ABHD6: variants seen among roughly 807,000 people sequenced by gnomAD.
ABHD6 encodes the protein abhydrolase domain containing 6, acylglycerol lipase.
In ABHD6, 33 loss-of-function variants were observed where a neutral mutation model predicts 38.8. That is an observed-to-expected ratio of 0.85 (90% CI 0.64 to 1.14). ABHD6 has a LOEUF of 1.14. Among genes scored for constraint, ABHD6 ranks in the 50% most tolerant of loss-of-function variants. The probability of loss-of-function intolerance (pLI) is 0.00; values close to 1 mark genes in which losing one functional copy is unlikely to be tolerated. For missense variants in ABHD6, 380 were observed against 422.6 expected, an observed-to-expected ratio of 0.90 and a Z score of 0.88; for synonymous variants, 147 against 161.6, an observed-to-expected ratio of 0.91 and a Z score of 0.69.
chr3:58,286,840 G>GTATATATATATATA (rs1261741081), intron 9 of ABHD6, among the ~76,000 whole-genome samples: 2 of 36,416 alleles, frequency 5.5e-5, no homozygotes, highest in African/African-American at 2.4e-4. Context: ...GTGTGTGTGT[G>GTATATATATATATA]TGTGTGTGTG....
intron 2 of ABHD6, among the ~76,000 whole-genome samples, chr3:58,252,112 T>A (rs996071096): frequency 6.6e-6 from 1 of 152,188 alleles, no homozygotes; most frequent in African/African-American, 2.4e-5. Context: ...GCCCCCAGCC[T>A]GGTGCCATCC....
At chr3:58,292,349 G>A (rs1026118528) in intron 9 of ABHD6, among the ~76,000 whole-genome samples, 4 of 152,192 alleles carry the variant, frequency 2.6e-5, no homozygotes, top group Non-Finnish European at 5.9e-5. Flanking sequence ...AGGATGGGGA[G>A]GAGGGGCCCT....
At position 58,257,339 on chromosome 3, in the gene ABHD6, T is replaced by G. The variant is rs73079736; in HGVS notation, c.119+634T>G. Among the ~76,000 whole-genome samples the G allele has an allele frequency of 0.18, 27,076 of 151,624 alleles. 4,153 individuals carry two copies. The highest frequency in any genetic ancestry group is 0.79 in the East Asian group (4,035 of 5,126). ...TGATCATTGGTTGTTTTTGTTTGTT[T>G]GTTGGTTGGTTGGTTTTTTGGGTTT... is the stretch of plus-strand genomic sequence containing the variant. On this transcript the variant is annotated intron_variant, in intron 3 of 9. Coordinates refer to ENST00000478253, the MANE Select transcript of ABHD6 (RefSeq NM_001320126.2). This position sits in a 1 kb window ranked among gnomAD's most constrained non-coding sequence, Gnocchi z 4.8.
chr3:58,264,387 G>GCGCACA (rs1394136993), intron 3 of ABHD6, among the ~76,000 whole-genome samples: 15 of 132,322 alleles, frequency 1.1e-4, no homozygotes, highest in South Asian at 2.5e-4. Flanking sequence ...TTATATAAAC[G>GCGCACA]CACACACACA....
intron 9 of ABHD6, among the ~76,000 whole-genome samples, chr3:58,289,951 G>A (rs1242692045): frequency 5.6e-5 from 8 of 142,442 alleles, no homozygotes; most frequent in African/African-American, 1.9e-4. Flanking sequence ...GGGCAGAGGC[G>A]CCCCTCACCT....
chr3:58,256,503 T>C lies in ABHD6; in HGVS notation c.-25-59T>C. 7.8e-6 allele frequency: 8 copies of C among 1,019,448 alleles called. No individual in the cohort carries two copies. The highest frequency in any genetic ancestry group is 2.5e-5 in the East Asian group (1 of 39,698). 63.2% of individuals were successfully genotyped at this position (1,019,448 alleles called of 1,614,324 possible). ...TCACTTTTCTTGTCCCCTTTACTTC[T>C]TCGCCTTTTTTCCTTTGATACAGAG... On this transcript the variant is annotated intron_variant, in intron 2 of 9. Transcript: ENST00000478253. This position sits in a 1 kb window ranked among gnomAD's most constrained non-coding sequence, Gnocchi z 4.3.
Position 58,285,015 on chromosome 3 carries a change from C to T in ABHD6, c.682-70C>T. 1 of 1,441,824 alleles carries T rather than the reference C, an allele frequency of 6.9e-7. No individual in the cohort carries two copies. The highest frequency in any genetic ancestry group is 1.1e-5 in the South Asian group (1 of 87,422). The allele number at this position is 1,441,824 out of a possible 1,614,324, so 89.3% of individuals were successfully genotyped here. A position where few individuals can be genotyped will look rare whatever the true frequency, so the allele number is the denominator to read the frequency against. Reference sequence around the variant, plus strand: ...GCTGGACCTCATTCCCATTCATTGTCCCAGAGCTGTGAGAGGCCTGAGGAA... The same window carrying T: ...GCTGGACCTCATTCCCATTCATTGTTCCAGAGCTGTGAGAGGCCTGAGGAA... On this transcript the variant is annotated intron_variant, in intron 7 of 9. Coordinates refer to ENST00000478253, the MANE Select transcript of ABHD6 (RefSeq NM_001320126.2). The surrounding 1 kb of genome is among the most constrained non-coding windows in gnomAD (Gnocchi z 4.9).
chr3:58,274,821 G>T lies in ABHD6; in HGVS notation c.681+6G>T. The T allele has an allele frequency of 6.2e-7, 1 of 1,612,502 alleles. No homozygotes were observed. Among genetic ancestry groups the T allele is most frequent in the Non-Finnish European group, 8.5e-7 (1 of 1,179,072 alleles). ...GCTTCAAGGTGCCCCAGCAGGTAAC[G>T]TGGTTGCAGCAGCGACACAACTACC... On this transcript the variant is annotated splice_donor_region_variant and intron_variant, in intron 7 of 9. Coordinates refer to ENST00000478253, the MANE Select transcript of ABHD6 (RefSeq NM_001320126.2).
At chr3:58,290,219 T>C (rs2097461075) in intron 9 of ABHD6, among the ~76,000 whole-genome samples, 4 of 96,824 alleles carry the variant, frequency 4.1e-5, no homozygotes, top group African/African-American at 1.3e-4. Context: ...GCAGAGGGGC[T>C]CCTCACTTCC....
intron 4 of ABHD6, among the ~76,000 whole-genome samples, chr3:58,268,814 A>G (rs757881012): frequency 6.6e-6 from 1 of 152,214 alleles, no homozygotes; most frequent in Non-Finnish European, 1.5e-5. Flanking sequence ...GGATAATAAT[A>G]ATTTGGAAAA....
At chr3:58,291,114 C>G (rs995729195) in intron 9 of ABHD6, among the ~76,000 whole-genome samples, 1 of 151,118 alleles carries the variant, frequency 6.6e-6, no homozygotes, top group Non-Finnish European at 1.5e-5. Context: ...AACCAGACAC[C>G]GTCTGCAATC....
intron 1 of ABHD6, among the ~76,000 whole-genome samples, chr3:58,247,821 C>T (rs1196239206): frequency 4.6e-5 from 7 of 152,174 alleles, no homozygotes; most frequent in South Asian, 4.1e-4. Context: ...GTGGTCTGCC[C>T]GCCTCGGCTT....
At chr3:58,252,753 G>A (rs1037105706) in intron 2 of ABHD6, among the ~76,000 whole-genome samples, 2 of 152,196 alleles carry the variant, frequency 1.3e-5, no homozygotes, top group Non-Finnish European at 2.9e-5. Context: ...GCCATTGGCA[G>A]TTCCTGGTTC....
chr3:58,284,971 C>A (rs2097455877), intron 7 of ABHD6, 114 bp from the exon 8 acceptor site: 1 of 948,732 alleles, frequency 1.1e-6, no homozygotes, highest in Non-Finnish European at 1.7e-6. Flanking sequence ...CTCTAAAGAC[C>A]TTGACAGTGC....
In ABHD6 at chr3:58,256,706, G is replaced by A. The variant is rs751304267; in HGVS notation, c.119+1G>A. 1 of 1,601,436 alleles carries A rather than the reference G, an allele frequency of 6.2e-7. No individual in the cohort carries two copies. The highest frequency in any genetic ancestry group is 8.5e-7 in the Non-Finnish European group (1 of 1,171,402). ...CAGCACTGATAAGAATCTATTATTGGTAAGCCAGTTTTATCATTGATGTTT... is the reference window on the plus strand; with the variant it reads ...CAGCACTGATAAGAATCTATTATTGATAAGCCAGTTTTATCATTGATGTTT... On this transcript the variant is annotated splice_donor_variant, in intron 3 of 9. Coordinates refer to ENST00000478253, the MANE Select transcript of ABHD6 (RefSeq NM_001320126.2). LOFTEE classifies it high-confidence loss of function. The surrounding 1 kb of genome is among the most constrained non-coding windows in gnomAD (Gnocchi z 4.3).
chr3:58,289,067 T>G (rs1165975371), intron 9 of ABHD6, among the ~76,000 whole-genome samples: 1 of 152,074 alleles, frequency 6.6e-6, no homozygotes, highest in East Asian at 1.9e-4. Context: ...TTTGTTTGTT[T>G]GTTCTGAGAC....
chr3:58,270,166 T>TTGGA (rs2097443823), intron 5 of ABHD6, among the ~76,000 whole-genome samples: 1 of 151,900 alleles, frequency 6.6e-6, no homozygotes, highest in Non-Finnish European at 1.5e-5. Flanking sequence ...GGATGGATGG[T>TTGGA]TGGATGGATG....
rs981592048 is a variant in ABHD6, at chr3:58,287,272, G to T, written c.837+1819G>T. ...GCACACCAGCCTGGGCCACAGGGCG[G>T]GATCCTATCTCAAAAAAATAAAAAT... On this transcript the variant is annotated intron_variant, in intron 9 of 9. Transcript: ENST00000478253. The surrounding 1 kb of genome is among the most constrained non-coding windows in gnomAD (Gnocchi z 4.7). Among the ~76,000 whole-genome samples the T allele has an allele frequency of 4.0e-5, 6 of 151,876 alleles. No individual in the cohort carries two copies. Among genetic ancestry groups the T allele is most frequent in the Non-Finnish European group, 7.4e-5 (5 of 67,946 alleles).
At chr3:58,249,678 G>A (rs184395318) in intron 1 of ABHD6, among the ~76,000 whole-genome samples, 200 bp from the exon 2 acceptor site, 140 of 152,300 alleles carry the variant, frequency 9.2e-4, no homozygotes, top group Admixed American at 4.0e-3. Context: ...CTTTGTGCAC[G>A]TTTGCCTTAT....
Sources: allele counts gnomAD v4.1 joint callset (sites outside exome capture counted in the v4.1 genomes callset), GRCh38; gene constraint gnomAD v4.1.1; non-coding constraint Gnocchi (gnomAD v3.1); transcripts MANE v1.5; gene names NCBI Gene and HGNC (gene_info 2026-07-23, HGNC 2026-07-21).